Variants in TYR observed in about 807,000 individuals in gnomAD.
TYR encodes tyrosinase.
TYR carries 58 observed loss-of-function variants against 51.5 expected under a neutral mutation model. The observed-to-expected ratio is 1.13, with a 90% CI of 0.91 to 1.40. The LOEUF (loss-of-function observed/expected upper bound fraction) is 1.40. TYR is among the 40% of genes most tolerant of loss of function. The pLI is 0.00. For synonymous variants in TYR, 263 were observed against 235.2 expected, an observed-to-expected ratio of 1.12 and a Z score of -1.08; for missense variants, 732 against 647.4, an observed-to-expected ratio of 1.13 and a Z score of -1.42.
chr11:89,269,465 T>C (rs1944564471), intron 3 of TYR, among the ~76,000 whole-genome samples: 1 of 151,942 alleles, frequency 6.6e-6, no homozygotes, highest in Admixed American at 6.6e-5. Context: ...TATTAAATGT[T>C]TTTTGGAAAA....
intron 3 of TYR, among the ~76,000 whole-genome samples, chr11:89,261,545 A>G (rs1461177734): frequency 3.3e-5 from 5 of 152,174 alleles, no homozygotes; most frequent in African/African-American, 4.8e-5. Context: ...ACTTATCAAC[A>G]AAGCCACACA....
chr11:89,208,813 A>G (rs530084877), intron 2 of TYR, among the ~76,000 whole-genome samples: 1 of 152,346 alleles, frequency 6.6e-6, no homozygotes, highest in Admixed American at 6.5e-5. Flanking sequence ...ATCCACCAGC[A>G]TTAGCAATTG....
intron 1 of TYR, among the ~76,000 whole-genome samples, chr11:89,184,467 A>G (rs1839802274): frequency 6.6e-6 from 1 of 152,160 alleles, no homozygotes; most frequent in Non-Finnish European, 1.5e-5. Flanking sequence ...AGCCATTAAC[A>G]CGTCATAATT....
chr11:89,271,202 T>C (rs999655059), intron 3 of TYR, among the ~76,000 whole-genome samples: 2 of 151,904 alleles, frequency 1.3e-5, no homozygotes, highest in African/African-American at 4.8e-5. Context: ...CATACATTAA[T>C]TCAGTTAATG....
At chr11:89,210,486 C>T (rs1221555039) in intron 2 of TYR, among the ~76,000 whole-genome samples, 1 of 152,178 alleles carries the variant, frequency 6.6e-6, no homozygotes, top group Non-Finnish European at 1.5e-5. Flanking sequence ...ACCAAACCTA[C>T]ATTTGATTCG....
chr11:89,177,983 G>A lies in TYR; in HGVS notation c.30G>A (p.Leu10=), dbSNP rs932555891. ...TCCTGGCTGTTTTGTACTGCCTGCT[G>A]TGGAGTTTCCAGACCTCCGCTGGCC... is the stretch of plus-strand genomic sequence containing the variant. MLLAVLYCL[L]WSFQTSAGHF... is the part of the protein sequence containing the mutation. The change falls in exon 1 of 5, where the codon CTG becomes CTA. Residue 10 remains leucine, a synonymous_variant. Transcript: ENST00000263321. 3 of 1,614,096 alleles carry A rather than the reference G, an allele frequency of 1.9e-6. No homozygotes were observed. The highest frequency in any genetic ancestry group is 2.5e-6 in the Non-Finnish European group (3 of 1,180,046).
chr11:89,234,211 G>A lies in TYR; in HGVS notation c.1184+6241G>A, dbSNP rs754002912. On this transcript the variant is annotated intron_variant, in intron 3 of 4. Transcript: ENST00000263321. ...CCTTAAATCTTGTAAACCAAGCTTT[G>A]CCACCTCAAACATTGTTTCTGCAGC... is the stretch of plus-strand genomic sequence containing the variant. Among the ~76,000 whole-genome samples, 20 of 143,254 alleles carry A rather than the reference G, an allele frequency of 1.4e-4. 3 individuals are homozygous for A. The highest frequency in any genetic ancestry group is 3.5e-4 in the Admixed American group (5 of 14,432). 94.0% of individuals were successfully genotyped at this position (143,254 alleles called of 152,430 possible).
chr11:89,198,069 G>T (rs892109950), intron 2 of TYR, among the ~76,000 whole-genome samples: 2 of 151,926 alleles, frequency 1.3e-5, no homozygotes, highest in Non-Finnish European at 2.9e-5. Context: ...GAGAAACAAG[G>T]GAAGTTTTGA....
At chr11:89,205,245 A>C (rs78974460) in intron 2 of TYR, among the ~76,000 whole-genome samples, 1 of 152,080 alleles carries the variant, frequency 6.6e-6, no homozygotes, top group Non-Finnish European at 1.5e-5. Context: ...AAAAAAAATT[A>C]AAAAGGCTCA....
intron 3 of TYR, among the ~76,000 whole-genome samples, chr11:89,254,621 A>C (rs1019561032): frequency 7.2e-5 from 11 of 151,810 alleles, no homozygotes; most frequent in Non-Finnish European, 1.2e-4. Flanking sequence ...AAAGATGCTC[A>C]TAGTAGCCTT....
intron 4 of TYR, among the ~76,000 whole-genome samples, chr11:89,290,316 G>C (rs1400363315): frequency 1.1e-4 from 16 of 152,068 alleles, no homozygotes; most frequent in Admixed American, 1.0e-3. Context: ...CTTGGTGACA[G>C]TAAAAATTGA....
intron 1 of TYR, 107 bp from the exon 2 acceptor site, chr11:89,191,095 C>T: frequency 2.1e-6 from 2 of 957,840 alleles, no homozygotes; most frequent in Non-Finnish European, 3.4e-6. Context: ...GTAGTAATCT[C>T]CTCAGGAGAA....
chr11:89,254,297 G>T (rs548556636), intron 3 of TYR, among the ~76,000 whole-genome samples: 59 of 151,514 alleles, frequency 3.9e-4, no homozygotes, highest in African/African-American at 1.3e-3. Flanking sequence ...TGTTGTTATT[G>T]TTATGTTCTT....
chr11:89,271,006 C>G (rs774506320), intron 3 of TYR, among the ~76,000 whole-genome samples: 4 of 151,812 alleles, frequency 2.6e-5, no homozygotes, highest in Non-Finnish European at 4.4e-5. Context: ...AATATGTCAA[C>G]TCTTAAAAGT....
intron 3 of TYR, among the ~76,000 whole-genome samples, chr11:89,246,366 A>T (rs1457581001): frequency 1.3e-5 from 2 of 152,304 alleles, no homozygotes; most frequent in Non-Finnish European, 2.9e-5. Context: ...TTTCCTCATA[A>T]GAACCTGAGT....
intron 3 of TYR, among the ~76,000 whole-genome samples, chr11:89,271,321 C>T (rs187126889): frequency 6.6e-6 from 1 of 151,888 alleles, no homozygotes; most frequent in East Asian, 1.9e-4. Context: ...TTCGGACCAC[C>T]ACAATAAAAC....
intron 3 of TYR, among the ~76,000 whole-genome samples, chr11:89,270,511 G>A (rs879743283): frequency 6.6e-6 from 1 of 151,692 alleles, no homozygotes. Context: ...TCCAGCACTC[G>A]GTGCAATGCT....
chr11:89,242,404 G>T (rs899678983), intron 3 of TYR, among the ~76,000 whole-genome samples: 17 of 151,906 alleles, frequency 1.1e-4, no homozygotes, highest in African/African-American at 4.1e-4. Flanking sequence ...TAGAGGCAGG[G>T]TTTCACCATT....
chr11:89,245,384 A>C (rs2135294707), intron 3 of TYR, among the ~76,000 whole-genome samples: 2 of 152,340 alleles, frequency 1.3e-5, no homozygotes, highest in East Asian at 3.9e-4. Flanking sequence ...ACCAGTACTA[A>C]ATACTGTTTC....
Sources: allele counts gnomAD v4.1 joint callset (sites outside exome capture counted in the v4.1 genomes callset), GRCh38; gene constraint gnomAD v4.1.1; transcripts MANE v1.5; gene names NCBI Gene and HGNC (gene_info 2026-07-23, HGNC 2026-07-21).